The following IL1RAPL1 variants were observed in gnomAD, a reference collection of about 807,000 sequenced individuals.
IL1RAPL1 encodes interleukin 1 receptor accessory protein like 1, also known as interleukin-1 receptor accessory protein-like 1.
A neutral mutation model predicts 48.4 loss-of-function variants in IL1RAPL1; 3 were observed. The ratio of observed to expected loss-of-function variants is 0.06; its 90% CI spans 0.03 to 0.16. The LOEUF is 0.16. Ranked by LOEUF, IL1RAPL1 falls within the 10% of genes least tolerant of loss-of-function variation. The pLI is 1.00. For missense variants in IL1RAPL1, 349 were observed against 530.6 expected, an observed-to-expected ratio of 0.66 and a Z score of 3.36; for synonymous variants, 185 against 187.7, an observed-to-expected ratio of 0.99 and a Z score of 0.12.
At chrX:29,560,728 T>G (rs1922164613) in intron 5 of IL1RAPL1, among the ~76,000 whole-genome samples, 1 of 112,554 alleles carries the variant, frequency 8.9e-6, no homozygotes, top group African/African-American at 3.2e-5. Flanking sequence ...ATGATTTCCA[T>G]ATTCATTGAA....
intron 5 of IL1RAPL1, among the ~76,000 whole-genome samples, chrX:29,404,647 G>A (rs1201614281): frequency 9.0e-6 from 1 of 111,611 alleles, no homozygotes; most frequent in African/African-American, 3.3e-5. Flanking sequence ...TTTAAACAAA[G>A]TTATCTTTTA....
chrX:29,244,776 T>G (rs747833149), intron 2 of IL1RAPL1, among the ~76,000 whole-genome samples: 2 of 112,345 alleles, frequency 1.8e-5, no homozygotes, highest in Non-Finnish European at 3.8e-5. Context: ...CTGAGGTTCC[T>G]CAAACCACTA....
intron 1 of IL1RAPL1, among the ~76,000 whole-genome samples, chrX:28,717,238 G>A (rs982164352): frequency 8.9e-6 from 1 of 111,882 alleles, no homozygotes; most frequent in African/African-American, 3.2e-5. Flanking sequence ...CAAAGATATG[G>A]AATCAACCTA....
chrX:28,963,625 C>T (rs1008076221), intron 2 of IL1RAPL1, among the ~76,000 whole-genome samples: 6 of 110,763 alleles, frequency 5.4e-5, no homozygotes, highest in East Asian at 2.8e-4. Context: ...CCTGGAACAC[C>T]GAGGATCCTT....
intron 6 of IL1RAPL1, among the ~76,000 whole-genome samples, chrX:29,669,939 A>G (rs892224726): frequency 8.9e-6 from 1 of 111,799 alleles, no homozygotes. Context: ...GCTCATACTG[A>G]TCTTTCAATA....
intron 2 of IL1RAPL1, among the ~76,000 whole-genome samples, chrX:29,139,643 C>G (rs750065074): frequency 1.1e-4 from 12 of 111,453 alleles, no homozygotes; most frequent in South Asian, 3.7e-4. Context: ...CATGTGGCAG[C>G]TCTCTATGGT....
intron 6 of IL1RAPL1, among the ~76,000 whole-genome samples, chrX:29,742,281 T>G (rs1029474799): frequency 3.6e-5 from 4 of 111,963 alleles, no homozygotes; most frequent in African/African-American, 1.3e-4. Context: ...TTATGAAAAC[T>G]CAGGTAAATG....
intron 6 of IL1RAPL1, among the ~76,000 whole-genome samples, chrX:29,834,812 G>T (rs183949972): frequency 1.7e-3 from 189 of 111,691 alleles, no homozygotes; most frequent in Middle Eastern, 9.2e-3. Context: ...GTATATTTAT[G>T]ATTCTAGCTT....
intron 2 of IL1RAPL1, among the ~76,000 whole-genome samples, chrX:29,088,733 T>G (rs1376539638): frequency 3.8e-5 from 4 of 106,232 alleles, no homozygotes; most frequent in Non-Finnish European, 7.8e-5. Flanking sequence ...ATCTTAATAA[T>G]TGTCTTCAGA....
chrX:29,576,612 T>G (rs958164753), intron 5 of IL1RAPL1, among the ~76,000 whole-genome samples: 2 of 111,366 alleles, frequency 1.8e-5, no homozygotes, highest in African/African-American at 3.3e-5. Context: ...TTGGCTTTTC[T>G]TTTTTTTCAA....
intron 2 of IL1RAPL1, among the ~76,000 whole-genome samples, chrX:29,160,138 A>G (rs1223940084): frequency 8.9e-6 from 1 of 112,037 alleles, no homozygotes. Flanking sequence ...TATGTGAACT[A>G]TGCAAATTAT....
At chrX:29,443,513 GA>G (rs778613428) in intron 5 of IL1RAPL1, among the ~76,000 whole-genome samples, 1 of 110,958 alleles carries the variant, frequency 9.0e-6, no homozygotes, top group East Asian at 2.8e-4. Flanking sequence ...AGGAATTTCT[GA>G]ACATCACTGG....
At chrX:28,695,270 T>A (rs1935218432) in intron 1 of IL1RAPL1, among the ~76,000 whole-genome samples, 1 of 111,352 alleles carries the variant, frequency 9.0e-6, no homozygotes, top group Non-Finnish European at 1.9e-5. Flanking sequence ...ATATCTCTTT[T>A]AAGCCTCACA....
Position 29,954,575 on chromosome X carries a change from T to C in IL1RAPL1, c.1255T>C (p.Trp419Arg). The C allele has an allele frequency of 1.7e-6, 2 of 1,206,909 alleles. No homozygotes were observed. Among genetic ancestry groups the C allele is most frequent in the Non-Finnish European group, 2.2e-6 (2 of 890,798 alleles). Residue 419 changes from tryptophan (W) to arginine (R), a missense_variant, in exon 10 of 11, where the codon TGG becomes CGG. Coordinates refer to ENST00000378993, the MANE Select transcript of IL1RAPL1 (RefSeq NM_014271.4). ...LSYTKVDPDQ[W>R]NQETGEEERF... is the part of the protein sequence containing the mutation. ...ATACACCAAAGTGGATCCTGACCAG[T>C]GGAATCAAGAGACTGGGGAAGAAGA...
chrX:29,053,394 A>G (rs1023490953), intron 2 of IL1RAPL1, among the ~76,000 whole-genome samples: 1 of 111,794 alleles, frequency 8.9e-6, no homozygotes, highest in Admixed American at 9.5e-5. Flanking sequence ...ATATATACCC[A>G]GTAGTAGGAT....
chrX:28,765,141 T>C (rs1601893245), intron 1 of IL1RAPL1, among the ~76,000 whole-genome samples: 1 of 36,757 alleles, frequency 2.7e-5, no homozygotes, highest in Admixed American at 4.5e-4. Context: ...CATCACACAC[T>C]GGGGCCTGTT....
intron 2 of IL1RAPL1, among the ~76,000 whole-genome samples, chrX:28,794,825 T>G (rs1936591199): frequency 8.9e-6 from 1 of 112,247 alleles, no homozygotes; most frequent in South Asian, 3.6e-4. Flanking sequence ...TGGATATTCA[T>G]TTAAGTAAAA....
intron 1 of IL1RAPL1, among the ~76,000 whole-genome samples, chrX:28,700,769 G>T (rs960973176): frequency 1.8e-5 from 2 of 110,486 alleles, no homozygotes; most frequent in African/African-American, 6.6e-5. Flanking sequence ...TGTTCTCATT[G>T]TTCAGTTCCC....
chrX:28,683,907 T>C (rs758423700), intron 1 of IL1RAPL1, among the ~76,000 whole-genome samples: 125 of 112,076 alleles, frequency 1.1e-3, no homozygotes, highest in African/African-American at 3.9e-3. Context: ...TAAGGATTCT[T>C]GTGGGCCCAC....
Sources: gnomAD v4.1 joint callset for allele counts (sites outside exome capture counted in the v4.1 genomes callset) on GRCh38, gnomAD v4.1.1 for gene constraint, MANE v1.5 for transcripts, NCBI Gene and HGNC (gene_info 2026-07-23, HGNC 2026-07-21) for gene names.